The following SWT1 variants were observed in gnomAD, a reference collection of about 807,000 sequenced individuals.
SWT1 encodes the protein SWT1 RNA endoribonuclease homolog, also known as transcriptional protein SWT1.
A neutral mutation model predicts 107.3 loss-of-function variants in SWT1; 33 were observed. The ratio of observed to expected loss-of-function variants is 0.31; its 90% confidence interval spans 0.23 to 0.41. The LOEUF (loss-of-function observed/expected upper bound fraction) is 0.41, where lower values mean the gene tolerates loss of function less well. SWT1 is among the 10% of genes least tolerant of loss of function. The pLI is 1.00. For synonymous variants in SWT1, 345 were observed against 348.3 expected (o/e 0.99, Z 0.11); for missense variants, 898 against 1,028.9 (o/e 0.87, Z 1.74).
chr1:185,166,693 A>G lies in SWT1; in HGVS notation c.165+41A>G, dbSNP rs1469242149. On this transcript the variant is annotated intron_variant, in intron 3 of 18. Coordinates refer to ENST00000367500, the MANE Select transcript of SWT1 (RefSeq NM_017673.7). The stretch of plus-strand genomic sequence containing the variant: ...TAACTAACTAAAAGTTATTTATGCT[A>G]AAGTTTTAATCGACAGTGTTTGTGA... The G allele has an allele frequency of 4.7e-6, 6 of 1,275,636 alleles. No individual in the cohort carries two copies. The Admixed American group carries it at 6.2e-5, about 13-fold the overall frequency. 79.0% of individuals were successfully genotyped at this position (1,275,636 alleles called of 1,614,324 possible).
intron 16 of SWT1, among the ~76,000 whole-genome samples, chr1:185,248,881 A>ATG (rs1661801917): frequency 1.3e-5 from 2 of 151,792 alleles, no homozygotes; most frequent in Admixed American, 1.3e-4. Context: ...TATCTAGCTG[A>ATG]TGGTTGATTT....
chr1:185,248,347 C>A (rs1399763622), intron 16 of SWT1, among the ~76,000 whole-genome samples: 1 of 152,094 alleles, frequency 6.6e-6, no homozygotes, highest in African/African-American at 2.4e-5. Context: ...TTCATAAATA[C>A]ATGGATTTTC....
intron 5 of SWT1, among the ~76,000 whole-genome samples, chr1:185,179,516 C>T (rs1223034158): frequency 1.3e-5 from 2 of 152,030 alleles, no homozygotes; most frequent in Non-Finnish European, 2.9e-5. Flanking sequence ...AACAGAAACC[C>T]CTGGTGCTCT....
In SWT1 at chr1:185,174,893, A is replaced by C. The variant is rs770194744; in HGVS notation, c.746A>C (p.Glu249Ala). The C allele has an allele frequency of 1.2e-6, 2 of 1,614,122 alleles. No individual in the cohort carries two copies. The highest frequency in any genetic ancestry group is 1.7e-6 in the Non-Finnish European group (2 of 1,180,000). The change falls in exon 5 of 19, where the codon GAA becomes GCA. Residue 249 changes from glutamate to alanine, a missense_variant. Transcript: ENST00000367500. ...CGTGACACCCTCCAGAAACTTGTAG[A>C]AGAAAATGTCTTCAACATAGATTCT... is the stretch of plus-strand genomic sequence containing the variant. ...KSRDTLQKLV[E>A]ENVFNIDSNN...
chr1:185,183,043 A>G (rs1656158469), intron 7 of SWT1, among the ~76,000 whole-genome samples: 1 of 151,342 alleles, frequency 6.6e-6, no homozygotes, highest in Non-Finnish European at 1.5e-5. Context: ...AGGCTGAGGC[A>G]GGAGAATGGC....
intron 10 of SWT1, among the ~76,000 whole-genome samples, chr1:185,192,236 A>G (rs761437283): frequency 4.6e-5 from 7 of 152,216 alleles, no homozygotes; most frequent in Non-Finnish European, 8.8e-5. Context: ...ATATTCAACT[A>G]TTTATTTGAT....
Position 185,187,874 on chromosome 1 carries a change from G to T in SWT1, c.1430-2675G>T, listed in dbSNP as rs545179025. On this transcript the variant is annotated intron_variant, in intron 9 of 18. Coordinates refer to ENST00000367500, the MANE Select transcript of SWT1 (RefSeq NM_017673.7). ...CGGCTAATTTTTTAAGATATTTTTAGTAGAGATGGGGTTTCACCATGTTGG... is the reference window on the plus strand; with the variant it reads ...CGGCTAATTTTTTAAGATATTTTTATTAGAGATGGGGTTTCACCATGTTGG... Among the ~76,000 whole-genome samples, 11 of 152,134 alleles carry T rather than the reference G, an allele frequency of 7.2e-5. No homozygotes were observed. The South Asian group carries it at 2.1e-3, about 29-fold the overall frequency.
At chr1:185,233,767 G>A (rs555468037) in intron 16 of SWT1, among the ~76,000 whole-genome samples, 38 of 151,990 alleles carry the variant, frequency 2.5e-4, no homozygotes, top group African/African-American at 7.0e-4. Flanking sequence ...TTTTTGAGAC[G>A]GAGTCTTGCT....
At chr1:185,244,868 G>A (rs1031749236) in intron 16 of SWT1, among the ~76,000 whole-genome samples, 6 of 152,090 alleles carry the variant, frequency 3.9e-5, no homozygotes, top group African/African-American at 1.4e-4. Context: ...TTTGCTTGAA[G>A]CCCGGAGTTC....
intron 16 of SWT1, chr1:185,257,860 A>G (rs541699065): frequency 3.9e-5 from 6 of 152,134 alleles, no homozygotes; most frequent in Non-Finnish European, 5.9e-5. Flanking sequence ...ACTAATTTCT[A>G]TCATTTAAAA....
chr1:185,210,775 G>A (rs1160718358), intron 13 of SWT1, among the ~76,000 whole-genome samples: 1 of 152,074 alleles, frequency 6.6e-6, no homozygotes, highest in African/African-American at 2.4e-5. Context: ...TGCAGATGAC[G>A]TGATCGATAT....
chr1:185,228,167 G>A (rs1660220932), intron 15 of SWT1, among the ~76,000 whole-genome samples: 4 of 61,566 alleles, frequency 6.5e-5, no homozygotes, highest in Admixed American at 5.3e-4. Flanking sequence ...AAAAAAAAAT[G>A]TGTATATATA....
At chr1:185,264,655 C>A (rs746000636) in intron 16 of SWT1, 7 of 177,796 alleles carry the variant, frequency 3.9e-5, no homozygotes, top group Non-Finnish European at 6.5e-5. Context: ...TATCTGATAT[C>A]ACTTAGCTGG....
In SWT1 at chr1:185,189,271, C is replaced by T. The variant is rs374462775; in HGVS notation, c.1430-1278C>T. ...CTCAAAATGTTGGGATCACAGGCAC[C>T]ACCCACCTGGCCTGCATTAATTTTA... is the stretch of plus-strand genomic sequence containing the variant. On this transcript the variant is annotated intron_variant, in intron 9 of 18. Coordinates refer to ENST00000367500, the MANE Select transcript of SWT1 (RefSeq NM_017673.7). Among the ~76,000 whole-genome samples, 12 of 152,222 alleles carry T rather than the reference C, an allele frequency of 7.9e-5. No individual in the cohort carries two copies. The East Asian group carries it at 2.3e-3, about 29-fold the overall frequency.
chr1:185,166,681 G>A, intron 3 of SWT1, 29 bp downstream of exon 3: 2 of 1,362,132 alleles, frequency 1.5e-6, no homozygotes, highest in Non-Finnish European at 2.1e-6. Flanking sequence ...CTAACTAAAA[G>A]TTATTTATGC....
At chr1:185,180,855 A>G (rs918652878) in intron 6 of SWT1, among the ~76,000 whole-genome samples, 1 of 152,234 alleles carries the variant, frequency 6.6e-6, no homozygotes, top group African/African-American at 2.4e-5. Context: ...ATGAGTGTTT[A>G]TCTTTTTACC....
At chr1:185,177,125 C>A in intron 5 of SWT1, 1 of 786,692 alleles carries the variant, frequency 1.3e-6, no homozygotes, top group African/African-American at 1.9e-5. Context: ...CCAAAGAGGG[C>A]AAGAATTGAG....
intron 4 of SWT1, among the ~76,000 whole-genome samples, chr1:185,169,162 G>A (rs565573012): frequency 1.3e-5 from 2 of 151,818 alleles, no homozygotes; most frequent in Non-Finnish European, 2.9e-5. Flanking sequence ...ATCATCTCCT[G>A]ATACTTTGCT....
chr1:185,168,425 GT>G, intron 4 of SWT1, 27 bp downstream of exon 4: 1 of 1,345,276 alleles, frequency 7.4e-7, no homozygotes, highest in Non-Finnish European at 9.9e-7. Flanking sequence ...TCTTTTTACT[GT>G]TTTGGTTTAG....
Sources: gnomAD v4.1 joint callset for allele counts (sites outside exome capture counted in the v4.1 genomes callset) on GRCh38, gnomAD v4.1.1 for gene constraint, MANE v1.5 for transcripts, NCBI Gene and HGNC (gene_info 2026-07-23, HGNC 2026-07-21) for gene names.